RHOH: variants seen among roughly 807,000 people sequenced by gnomAD.
The protein encoded by RHOH is rho-related GTP-binding protein RhoH.
A neutral mutation model predicts 13.8 loss-of-function variants in RHOH; 6 were observed. The observed-to-expected ratio is 0.44, with a 90% confidence interval of 0.24 to 0.86. The LOEUF is 0.86. Ranked by LOEUF, RHOH falls within the 40% of genes least tolerant of loss-of-function variation. The pLI is 0.24. For synonymous variants in RHOH, 117 were observed against 103.0 expected, an observed-to-expected ratio of 1.14 and a Z score of -0.82; for missense variants, 147 against 244.5, an observed-to-expected ratio of 0.60 and a Z score of 2.66.
At chr4:40,232,815 G>A (rs1352229292) in intron 1 of RHOH, among the ~76,000 whole-genome samples, 1 of 152,092 alleles carries the variant, frequency 6.6e-6, no homozygotes, top group Non-Finnish European at 1.5e-5. Context: ...CTGGGCCTTT[G>A]CACATGCTTC....
chr4:40,191,136 G>A (rs1377362138), upstream of RHOH: 1 of 152,162 alleles, frequency 6.6e-6, no homozygotes, highest in Non-Finnish European at 1.5e-5. Flanking sequence ...CCTGTGCTTT[G>A]CAGTCATTCC....
At chr4:40,235,522 G>A (rs1346968443) in intron 1 of RHOH, among the ~76,000 whole-genome samples, 11 of 150,100 alleles carry the variant, frequency 7.3e-5, no homozygotes, top group African/African-American at 2.7e-4. Flanking sequence ...CCCAGGAGGT[G>A]GAGATTGCAG....
upstream of RHOH, among the ~76,000 whole-genome samples, chr4:40,192,465 T>C (rs2109324286): frequency 6.6e-6 from 1 of 152,342 alleles, no homozygotes; most frequent in Non-Finnish European, 1.5e-5. Flanking sequence ...AGATTTACTA[T>C]TCATACAATT....
chr4:40,234,437 G>C (rs1306226125), intron 1 of RHOH, among the ~76,000 whole-genome samples: 1 of 152,110 alleles, frequency 6.6e-6, no homozygotes, highest in Non-Finnish European at 1.5e-5. Flanking sequence ...AAGAACTCTA[G>C]ACCTCAGGCA....
At chr4:40,229,608 T>C (rs1231547140) in intron 1 of RHOH, among the ~76,000 whole-genome samples, 1 of 138,630 alleles carries the variant, frequency 7.2e-6, no homozygotes, top group Non-Finnish European at 1.5e-5. Flanking sequence ...CACTCCAGCC[T>C]GGGCAACAAG....
At chr4:40,206,479 G>A (rs1243383292) in intron 1 of RHOH, among the ~76,000 whole-genome samples, 1 of 152,140 alleles carries the variant, frequency 6.6e-6, no homozygotes, top group Non-Finnish European at 1.5e-5. Flanking sequence ...TTTAAATGAT[G>A]TAAAATCAAT....
intron 1 of RHOH, among the ~76,000 whole-genome samples, chr4:40,223,257 G>A (rs2109463923): frequency 6.6e-6 from 1 of 152,314 alleles, no homozygotes; most frequent in African/African-American, 2.4e-5. Context: ...TTTGCAAGAA[G>A]TTCTGCTGTG....
At chr4:40,232,016 A>G (rs1162933980) in intron 1 of RHOH, among the ~76,000 whole-genome samples, 2 of 152,214 alleles carry the variant, frequency 1.3e-5, no homozygotes, top group Non-Finnish European at 2.9e-5. Flanking sequence ...GATTCCTGCT[A>G]GTTGCAGGTA....
intron 1 of RHOH, among the ~76,000 whole-genome samples, chr4:40,201,604 G>A (rs560157937): frequency 1.3e-5 from 2 of 152,194 alleles, no homozygotes; most frequent in African/African-American, 2.4e-5. Context: ...AATTGGCTAT[G>A]GTAAAAGTAC....
intron 1 of RHOH, among the ~76,000 whole-genome samples, chr4:40,230,214 T>C (rs1257608520): frequency 6.6e-6 from 1 of 152,110 alleles, no homozygotes; most frequent in Non-Finnish European, 1.5e-5. Context: ...AATTTTTGTA[T>C]TTTTAGTAGA....
upstream of RHOH, among the ~76,000 whole-genome samples, chr4:40,193,297 A>G (rs1722796914): frequency 6.6e-6 from 1 of 151,982 alleles, no homozygotes; most frequent in African/African-American, 2.4e-5. Flanking sequence ...TCCTCCTGCC[A>G]CTCTGAAGTC....
intron 1 of RHOH, among the ~76,000 whole-genome samples, chr4:40,240,648 A>T (rs1560287535): frequency 6.6e-6 from 1 of 151,956 alleles, no homozygotes; most frequent in African/African-American, 2.4e-5. Context: ...ATGATAGTGC[A>T]TGCCTGTAGT....
intron 1 of RHOH, among the ~76,000 whole-genome samples, chr4:40,220,524 G>A (rs1236683660): frequency 1.3e-5 from 2 of 151,816 alleles, no homozygotes; most frequent in Non-Finnish European, 2.9e-5. Flanking sequence ...CTGCCTTTGT[G>A]TGGCCATTGC....
intron 1 of RHOH, among the ~76,000 whole-genome samples, chr4:40,221,582 T>C (rs139956027): frequency 6.6e-6 from 1 of 152,340 alleles, no homozygotes; most frequent in African/African-American, 2.4e-5. Flanking sequence ...CGATGAATCA[T>C]GCCCATATAA....
intron 1 of RHOH, among the ~76,000 whole-genome samples, chr4:40,230,605 C>A (rs1422271688): frequency 6.6e-6 from 1 of 151,522 alleles, no homozygotes; most frequent in African/African-American, 2.4e-5. Flanking sequence ...GTGATCCACC[C>A]CCCTTAGCCT....
intron 1 of RHOH, among the ~76,000 whole-genome samples, chr4:40,211,472 C>T (rs902013537): frequency 6.6e-6 from 1 of 152,084 alleles, no homozygotes; most frequent in Non-Finnish European, 1.5e-5. Context: ...CGGGCTTTCA[C>T]TATGTTGGCC....
At chr4:40,208,567 C>G (rs574565962) in intron 1 of RHOH, among the ~76,000 whole-genome samples, 1 of 152,268 alleles carries the variant, frequency 6.6e-6, no homozygotes, top group Non-Finnish European at 1.5e-5. Context: ...TTAATATGCT[C>G]TGTTCTCAAT....
chr4:40,195,077 A>T, upstream of RHOH, among the ~76,000 whole-genome samples: 1 of 152,180 alleles, frequency 6.6e-6, no homozygotes, highest in Non-Finnish European at 1.5e-5. Flanking sequence ...AAGAGCATAG[A>T]ACCACGTGGC....
intron 1 of RHOH, among the ~76,000 whole-genome samples, chr4:40,232,714 C>T (rs80309774): frequency 0.011 from 1,665 of 152,192 alleles, 26 homozygotes; most frequent in African/African-American, 0.038. Context: ...ATCCCTCCAC[C>T]GGCCACTTCC....
Sources: gnomAD v4.1 joint callset for allele counts (sites outside exome capture counted in the v4.1 genomes callset) on GRCh38, gnomAD v4.1.1 for gene constraint, MANE v1.5 for transcripts, NCBI Gene and HGNC (gene_info 2026-07-23, HGNC 2026-07-21) for gene names.